Variants in DCAF8L2 observed in about 807,000 individuals in gnomAD.
DCAF8L2 encodes DDB1 and CUL4 associated factor 8 like 2, also known as DDB1- and CUL4-associated factor 8-like protein 2.
For missense variants in DCAF8L2, 430 were observed against 490.7 expected (o/e 0.88, Z 1.17); for synonymous variants, 200 against 190.9 (o/e 1.05, Z -0.39).
At chrX:27,567,044 GTTAATTTAGTTAAT>G in the DCAF8L2 span, among the ~76,000 whole-genome samples, 1 of 111,148 alleles carries the variant, frequency 9.0e-6, no homozygotes, top group Admixed American at 9.6e-5. Flanking sequence ...TTTTCCTACT[GTTAATTTAGTTAAT>G]TTAATTTAGT....
chrX:27,525,018 T>G, the DCAF8L2 span, among the ~76,000 whole-genome samples: 1 of 111,929 alleles, frequency 8.9e-6, no homozygotes, highest in Non-Finnish European at 1.9e-5. Flanking sequence ...TGGTTTGGGG[T>G]GGAGAGTTCT....
chrX:27,741,567 T>C (rs762455044), intron 4 of DCAF8L2, among the ~76,000 whole-genome samples: 1 of 111,444 alleles, frequency 9.0e-6, no homozygotes, highest in East Asian at 2.8e-4. Flanking sequence ...CTGTTCTGGA[T>C]AAAACAAAGT....
the DCAF8L2 span, among the ~76,000 whole-genome samples, chrX:27,551,423 TA>T: frequency 5.4e-5 from 6 of 111,152 alleles, no homozygotes; most frequent in Non-Finnish European, 1.1e-4. Flanking sequence ...TGTGTTTTTT[TA>T]GACATAATGC....
the DCAF8L2 span, among the ~76,000 whole-genome samples, chrX:27,542,743 C>T: frequency 9.3e-6 from 1 of 108,077 alleles, no homozygotes; most frequent in African/African-American, 3.4e-5. Context: ...GGGGTTTCAC[C>T]GTTTTAGCCG....
intron 1 of DCAF8L2, among the ~76,000 whole-genome samples, chrX:27,622,284 G>A (rs1459182261): frequency 2.0e-5 from 2 of 100,429 alleles, no homozygotes; most frequent in East Asian, 5.8e-4. Flanking sequence ...AATTAGCCGG[G>A]CGTAGTGGCG....
chrX:27,691,091 C>T (rs1368657948), intron 3 of DCAF8L2, among the ~76,000 whole-genome samples: 2 of 111,425 alleles, frequency 1.8e-5, no homozygotes, highest in Non-Finnish European at 3.8e-5. Context: ...GCACATTTAT[C>T]GTTCTATCAG....
At chrX:27,618,831 A>T (rs1288875874) in intron 1 of DCAF8L2, among the ~76,000 whole-genome samples, 1 of 111,392 alleles carries the variant, frequency 9.0e-6, no homozygotes, top group East Asian at 2.8e-4. Context: ...TTGGATTTTA[A>T]GCTTTATTGA....
At chrX:27,683,451 G>T (rs1183549191) in intron 3 of DCAF8L2, among the ~76,000 whole-genome samples, 2 of 112,464 alleles carry the variant, frequency 1.8e-5, no homozygotes, top group African/African-American at 6.5e-5. Context: ...CTTTATTTAA[G>T]TTGTTCTTTC....
chrX:27,625,709 C>A (rs1927977210), intron 1 of DCAF8L2, among the ~76,000 whole-genome samples: 1 of 111,713 alleles, frequency 9.0e-6, no homozygotes. Context: ...TTTTTTGCAG[C>A]AACGTGGGTG....
the DCAF8L2 span, among the ~76,000 whole-genome samples, chrX:27,481,171 A>G: frequency 1.8e-5 from 2 of 110,597 alleles, no homozygotes; most frequent in African/African-American, 3.3e-5. Context: ...TGAGGTCAGG[A>G]GTTAGAGATC....
chrX:27,634,572 T>G (rs962768362), intron 2 of DCAF8L2, among the ~76,000 whole-genome samples: 1 of 110,789 alleles, frequency 9.0e-6, no homozygotes, highest in Non-Finnish European at 1.9e-5. Context: ...TTCATAGGAT[T>G]GTTGTGATAA....
the DCAF8L2 span, among the ~76,000 whole-genome samples, chrX:27,553,865 C>T: frequency 8.9e-6 from 1 of 111,777 alleles, no homozygotes; most frequent in Non-Finnish European, 1.9e-5. Context: ...TTTGTGGTTA[C>T]TATGAGGCTT....
chrX:27,621,771 T>C (rs761598400), intron 1 of DCAF8L2, among the ~76,000 whole-genome samples: 1 of 110,997 alleles, frequency 9.0e-6, no homozygotes, highest in East Asian at 2.9e-4. Flanking sequence ...GGCAGGAGGA[T>C]AGCTTCCATC....
At chrX:27,525,275 C>T in the DCAF8L2 span, among the ~76,000 whole-genome samples, 1 of 111,791 alleles carries the variant, frequency 8.9e-6, no homozygotes, top group Non-Finnish European at 1.9e-5. Flanking sequence ...ATCCCTTTAC[C>T]ATTATGTAAT....
At chrX:27,669,121 G>A (rs1274009826) in intron 2 of DCAF8L2, among the ~76,000 whole-genome samples, 1 of 111,336 alleles carries the variant, frequency 9.0e-6, no homozygotes, top group Non-Finnish European at 1.9e-5. Flanking sequence ...GATCGTAGGA[G>A]AAATGCCTAT....
chrX:27,686,395 T>A (rs746433292), intron 3 of DCAF8L2, among the ~76,000 whole-genome samples: 1 of 111,232 alleles, frequency 9.0e-6, no homozygotes, highest in Non-Finnish European at 1.9e-5. Flanking sequence ...AGAATCCTAT[T>A]TGACTATAAA....
At chrX:27,735,571 C>G (rs1921476467) in intron 4 of DCAF8L2, among the ~76,000 whole-genome samples, 1 of 112,350 alleles carries the variant, frequency 8.9e-6, no homozygotes, top group Non-Finnish European at 1.9e-5. Context: ...GTGTCATCAA[C>G]TTTAACTAGG....
intron 1 of DCAF8L2, among the ~76,000 whole-genome samples, chrX:27,609,226 A>C (rs751302232): frequency 6.6e-4 from 74 of 111,746 alleles, no homozygotes; most frequent in Admixed American, 1.2e-3. Context: ...GATGGTGTGA[A>C]AAAATGTTAT....
rs1569201281 is a variant in DCAF8L2, at chrX:27,747,320, AGG to A, written c.426_427del (p.Glu143GlyfsTer18). On this transcript the variant is annotated frameshift_variant, in exon 5 of 5. Transcript: ENST00000451261. LOFTEE classifies it low-confidence loss of function (END_TRUNC). ...GAGGAGGAGGAGGAGGAGGAGGAGG[AGG>A]AGGAGGAAGAAGAACAGCCTCGGGC... 7.1e-5 allele frequency: 81 copies of A among 1,145,013 alleles called. No individual in the cohort carries two copies. The highest frequency in any genetic ancestry group is 2.6e-4 in the Middle Eastern group (1 of 3,804). The allele number at this position is 1,145,013 out of a possible 1,213,427, so 94.4% of individuals were successfully genotyped here.
Sources: gnomAD v4.1 joint callset for allele counts (sites outside exome capture counted in the v4.1 genomes callset) on GRCh38, gnomAD v4.1.1 for gene constraint, MANE v1.5 for transcripts, NCBI Gene and HGNC (gene_info 2026-07-23, HGNC 2026-07-21) for gene names.